The following KIAA1958 variants were observed in gnomAD, a reference collection of about 807,000 sequenced individuals.
KIAA1958 encodes the protein uncharacterized protein KIAA1958.
Under a neutral mutation model 47.2 loss-of-function variants are expected in KIAA1958, and 14 were observed. The ratio of observed to expected loss-of-function variants is 0.30; its 90% CI spans 0.20 to 0.46. The LOEUF is 0.46. KIAA1958 is among the 20% of genes least tolerant of loss of function. The pLI is 1.00. For synonymous variants in KIAA1958, 354 were observed against 353.3 expected, an observed-to-expected ratio of 1.00 and a Z score of -0.02; for missense variants, 803 against 909.2, an observed-to-expected ratio of 0.88 and a Z score of 1.50.
At chr9:112,496,606 C>G (rs1392904739) in intron 1 of KIAA1958, among the ~76,000 whole-genome samples, 1 of 152,142 alleles carries the variant, frequency 6.6e-6, no homozygotes, top group African/African-American at 2.4e-5. Context: ...TTGATGTGAC[C>G]TCCTCTCTGA....
chr9:112,548,939 AAGAC>A (rs1367494111), intron 1 of KIAA1958, among the ~76,000 whole-genome samples: 1 of 152,222 alleles, frequency 6.6e-6, no homozygotes, highest in Non-Finnish European at 1.5e-5. Flanking sequence ...ACACCAGAAG[AAGAC>A]AGTCATCTAG....
At chr9:112,570,769 G>C (rs1835518473) in intron 1 of KIAA1958, among the ~76,000 whole-genome samples, 1 of 152,274 alleles carries the variant, frequency 6.6e-6, no homozygotes, top group East Asian at 1.9e-4. Context: ...AGGGGAATTG[G>C]CTCATGCGAT....
At chr9:112,513,371 C>T (rs1834355886) in intron 1 of KIAA1958, among the ~76,000 whole-genome samples, 1 of 149,058 alleles carries the variant, frequency 6.7e-6, no homozygotes, top group Non-Finnish European at 1.5e-5. Context: ...CTTTTCTCAG[C>T]AGAGGGAACA....
rs1008190405 is a variant in KIAA1958, at chr9:112,550,923, A to G, written c.-24-23134A>G. Among the ~76,000 whole-genome samples the G allele has an allele frequency of 7.9e-5, 12 of 152,182 alleles. No homozygotes were observed. In the East Asian group the frequency reaches 2.1e-3, roughly 27 times the overall value. On this transcript the variant is annotated intron_variant, in intron 1 of 3. Transcript: ENST00000337530. ...AATACTCTTATGAGGAAGATATTCC[A>G]CAAACTTAAGAGTTTCTCTCTCAGG...
chr9:112,552,678 C>T (rs572768270), intron 1 of KIAA1958, among the ~76,000 whole-genome samples: 1 of 152,300 alleles, frequency 6.6e-6, no homozygotes, highest in East Asian at 1.9e-4. Flanking sequence ...AAGGAAAACG[C>T]TCCTCTTTCC....
intron 1 of KIAA1958, among the ~76,000 whole-genome samples, chr9:112,543,217 T>TCTG (rs1386161371): frequency 1.1e-5 from 1 of 91,692 alleles, no homozygotes; most frequent in Non-Finnish European, 2.2e-5. Flanking sequence ...CCTATTTGTT[T>TCTG]TTGTTGTTGT....
chr9:112,592,484 A>T (rs1835941397), intron 2 of KIAA1958, among the ~76,000 whole-genome samples: 1 of 152,222 alleles, frequency 6.6e-6, no homozygotes, highest in Non-Finnish European at 1.5e-5. Flanking sequence ...CCTCAGTTTC[A>T]TCATTTATAA....
intron 1 of KIAA1958, among the ~76,000 whole-genome samples, chr9:112,525,478 G>T (rs1834623313): frequency 6.6e-6 from 1 of 152,192 alleles, no homozygotes; most frequent in African/African-American, 2.4e-5. Flanking sequence ...ATTCATAATG[G>T]TATGTTCCCA....
At chr9:112,645,896 T>C (rs1564200602) in intron 3 of KIAA1958, 74 bp downstream of exon 3, 3 of 1,344,870 alleles carry the variant, frequency 2.2e-6, no homozygotes, top group Admixed American at 2.3e-5. Context: ...GTGCTAAGCA[T>C]TGTAGGGAAC....
intron 3 of KIAA1958, among the ~76,000 whole-genome samples, chr9:112,649,817 T>C (rs1370956593): frequency 6.6e-6 from 1 of 152,142 alleles, no homozygotes; most frequent in Non-Finnish European, 1.5e-5. Flanking sequence ...AAGGAATTTA[T>C]CATCAGCAGA....
At chr9:112,551,195 C>G (rs1835140523) in intron 1 of KIAA1958, among the ~76,000 whole-genome samples, 1 of 152,086 alleles carries the variant, frequency 6.6e-6, no homozygotes, top group Non-Finnish European at 1.5e-5. Context: ...ATATAACTAT[C>G]ACTGTCATCC....
chr9:112,582,564 G>A (rs1835753447), intron 2 of KIAA1958: 2 of 156,292 alleles, frequency 1.3e-5, no homozygotes, highest in South Asian at 2.0e-4. Context: ...ACACTTTCAG[G>A]TCTTACTCGC....
At chr9:112,610,943 G>A (rs540638453) in intron 2 of KIAA1958, among the ~76,000 whole-genome samples, 3 of 152,242 alleles carry the variant, frequency 2.0e-5, no homozygotes, top group African/African-American at 7.2e-5. Flanking sequence ...TCTACATTAG[G>A]AAATCTTTTA....
At chr9:112,526,954 G>T (rs1834668741) in intron 1 of KIAA1958, among the ~76,000 whole-genome samples, 1 of 152,224 alleles carries the variant, frequency 6.6e-6, no homozygotes, top group Non-Finnish European at 1.5e-5. Flanking sequence ...TGCTTCTACA[G>T]CCTGGGAGGT....
rs566187931 is a variant in KIAA1958 at position 112,509,456 on chromosome 9, C to T, written c.-25+22338C>T. On this transcript the variant is annotated intron_variant, in intron 1 of 3. Transcript: ENST00000337530. ...CCTCAGGTGATCCACCCTCCTCGGC[C>T]TCCCGCCAGGCCCATTCTTAATGGG... is the stretch of plus-strand genomic sequence containing the variant. 5.7e-4 allele frequency among the ~76,000 whole-genome samples: 87 copies of T among 151,484 alleles called. 1 individual carries two copies. The highest frequency in any genetic ancestry group is 2.1e-3 in the African/African-American group (87 of 41,286).
chr9:112,653,118 A>G (rs1190027522), intron 3 of KIAA1958, among the ~76,000 whole-genome samples: 3 of 152,336 alleles, frequency 2.0e-5, no homozygotes, highest in South Asian at 2.1e-4. Flanking sequence ...GGGATCCCAT[A>G]TGAAAGAATA....
At chr9:112,542,773 C>T (rs1269368309) in intron 1 of KIAA1958, among the ~76,000 whole-genome samples, 1 of 152,096 alleles carries the variant, frequency 6.6e-6, no homozygotes, top group African/African-American at 2.4e-5. Flanking sequence ...ATATTGAAAA[C>T]AGCTGGGCTG....
intron 2 of KIAA1958, among the ~76,000 whole-genome samples, chr9:112,612,059 A>G (rs1305412318): frequency 1.3e-5 from 2 of 151,948 alleles, no homozygotes; most frequent in Non-Finnish European, 2.9e-5. Context: ...AAAAATGTTT[A>G]TAATACATAA....
chr9:112,657,663 A>T (rs1369817532), intron 3 of KIAA1958, among the ~76,000 whole-genome samples: 1 of 152,094 alleles, frequency 6.6e-6, no homozygotes, highest in Non-Finnish European at 1.5e-5. Context: ...TAAAAAAAAA[A>T]TTTTATTGGG....
Sources: gnomAD v4.1 joint callset for allele counts (sites outside exome capture counted in the v4.1 genomes callset) on GRCh38, gnomAD v4.1.1 for gene constraint, MANE v1.5 for transcripts, NCBI Gene and HGNC (gene_info 2026-07-23, HGNC 2026-07-21) for gene names.